SAMMSON: variants seen among roughly 807,000 people sequenced by gnomAD.
SAMMSON encodes the protein long intergenic non-protein coding RNA 1212.
At chr3:70,154,437 C>T (rs1289272743) in intron 4 of SAMMSON, among the ~76,000 whole-genome samples, 1 of 152,052 alleles carries the variant, frequency 6.6e-6, no homozygotes, top group African/African-American at 2.4e-5. Context: ...GTCCCAGAGG[C>T]TGTGCTCTTA....
At chr3:70,352,395 C>T (rs1702800475) in intron 7 of SAMMSON, among the ~76,000 whole-genome samples, 1 of 151,872 alleles carries the variant, frequency 6.6e-6, no homozygotes, top group Non-Finnish European at 1.5e-5. Context: ...AACTAGCAAC[C>T]CAGAATCCTA....
At chr3:70,164,987 A>G (rs2067631307) in intron 4 of SAMMSON, among the ~76,000 whole-genome samples, 1 of 152,046 alleles carries the variant, frequency 6.6e-6, no homozygotes, top group African/African-American at 2.4e-5. Flanking sequence ...GTTTCAAGAT[A>G]TGTTTCAAGA....
chr3:70,192,180 A>G (rs1701135772), intron 4 of SAMMSON, among the ~76,000 whole-genome samples: 1 of 152,160 alleles, frequency 6.6e-6, no homozygotes, highest in African/African-American at 2.4e-5. Context: ...AAGTGCCCTA[A>G]CAGCGATATA....
chr3:70,270,844 T>C (rs1701969175), intron 6 of SAMMSON, among the ~76,000 whole-genome samples: 2 of 151,850 alleles, frequency 1.3e-5, no homozygotes, highest in South Asian at 4.2e-4. Context: ...TTAGAACACA[T>C]GGACACAGGG....
At chr3:70,201,162 G>A (rs1047657083) in intron 4 of SAMMSON, among the ~76,000 whole-genome samples, 1 of 151,962 alleles carries the variant, frequency 6.6e-6, no homozygotes, top group Non-Finnish European at 1.5e-5. Flanking sequence ...ATTAAGTCTA[G>A]TACTCATTAT....
In SAMMSON at chr3:70,136,255, A is replaced by G. The variant is rs561174868; in HGVS notation, n.507+64690A>G. The stretch of plus-strand genomic sequence containing the variant: ...CTGAATAGAACTGAGCTGTTCACCA[A>G]AAAGTTATTGTGGTTGTGTGACTCC... On this transcript the variant is annotated intron_variant and non_coding_transcript_variant, in intron 4 of 9. Coordinates refer to ENST00000642114, the Ensembl canonical transcript of SAMMSON. Among the ~76,000 whole-genome samples, 7 of 152,302 alleles carry G rather than the reference A, an allele frequency of 4.6e-5. No homozygotes were observed. In the East Asian group the frequency reaches 1.4e-3, roughly 29 times the overall value.
At chr3:70,394,102 A>G (rs1266207625), downstream of SAMMSON, among the ~76,000 whole-genome samples, 1 of 152,192 alleles carries the variant, frequency 6.6e-6, no homozygotes, top group Non-Finnish European at 1.5e-5. Context: ...TTAAACTAAC[A>G]GGACTCCCTG....
intron 4 of SAMMSON, among the ~76,000 whole-genome samples, chr3:70,190,297 C>T (rs1268263118): frequency 6.6e-6 from 1 of 152,176 alleles, no homozygotes; most frequent in Non-Finnish European, 1.5e-5. Context: ...TGCCTTATTG[C>T]AATTGCACCT....
chr3:70,427,611 G>A (rs866326112), intron 2 of SAMMSON, among the ~76,000 whole-genome samples: 5 of 152,056 alleles, frequency 3.3e-5, no homozygotes, highest in Non-Finnish European at 5.9e-5. Flanking sequence ...GGTGGCGCGC[G>A]CCTGTAGTCC....
chr3:70,006,889 C>T (rs1344545509), intron 1 of SAMMSON, among the ~76,000 whole-genome samples: 1 of 148,134 alleles, frequency 6.8e-6, no homozygotes, highest in East Asian at 2.0e-4. Context: ...TGAGTGAGAA[C>T]ATGTGGTGTT....
chr3:70,116,525 A>G (rs2067412406), intron 4 of SAMMSON, among the ~76,000 whole-genome samples: 1 of 151,564 alleles, frequency 6.6e-6, no homozygotes, highest in Non-Finnish European at 1.5e-5. Context: ...GTTTTTTTTT[A>G]TTTGGTTCTA....
chr3:70,067,717 G>A (rs1276142871), intron 3 of SAMMSON, among the ~76,000 whole-genome samples: 4 of 152,074 alleles, frequency 2.6e-5, no homozygotes, highest in African/African-American at 9.7e-5. Context: ...AGCTGCAGCT[G>A]TGCCTGTACT....
At chr3:70,353,264 C>T (rs2106735931) in intron 7 of SAMMSON, among the ~76,000 whole-genome samples, 1 of 151,960 alleles carries the variant, frequency 6.6e-6, no homozygotes, top group South Asian at 2.1e-4. Flanking sequence ...AAAGAAAAAA[C>T]TTTTCTCATA....
chr3:70,206,091 C>T (rs929383582), intron 4 of SAMMSON, among the ~76,000 whole-genome samples: 4 of 151,890 alleles, frequency 2.6e-5, no homozygotes, highest in Admixed American at 6.6e-5. Context: ...CCAGGGGAAC[C>T]ACTCCTTTCT....
chr3:70,115,444 A>T (rs776335659), intron 4 of SAMMSON, among the ~76,000 whole-genome samples: 4 of 152,140 alleles, frequency 2.6e-5, no homozygotes, highest in Non-Finnish European at 5.9e-5. Context: ...TTCACGGAAA[A>T]GATCATTTCC....
intron 4 of SAMMSON, among the ~76,000 whole-genome samples, chr3:70,144,034 G>A (rs1373217915): frequency 1.3e-5 from 2 of 152,054 alleles, no homozygotes; most frequent in African/African-American, 4.8e-5. Context: ...ATATTCTTAA[G>A]TTGCTGGAGT....
chr3:70,193,812 G>A (rs1701151412), intron 4 of SAMMSON, among the ~76,000 whole-genome samples: 2 of 152,084 alleles, frequency 1.3e-5, no homozygotes, highest in African/African-American at 4.8e-5. Context: ...AAACTTAGAG[G>A]CATTGGGTAA....
chr3:70,359,910 C>G (rs1702858993), intron 9 of SAMMSON, among the ~76,000 whole-genome samples: 1 of 152,144 alleles, frequency 6.6e-6, no homozygotes, highest in African/African-American at 2.4e-5. Flanking sequence ...AGTTGTCAAG[C>G]AGGTTGAGTT....
chr3:70,174,104 A>T (rs868282990), intron 4 of SAMMSON, among the ~76,000 whole-genome samples: 2 of 151,994 alleles, frequency 1.3e-5, no homozygotes, highest in Admixed American at 1.3e-4. Flanking sequence ...TTAATCTCAT[A>T]TAATTCTTAG....
Sources: gnomAD v4.1 joint callset for allele counts (sites outside exome capture counted in the v4.1 genomes callset) on GRCh38, gnomAD v4.1.1 for gene constraint, MANE v1.5 for transcripts, NCBI Gene and HGNC (gene_info 2026-07-23, HGNC 2026-07-21) for gene names.